THRB: variants seen among roughly 807,000 people sequenced by gnomAD.
THRB encodes the protein nuclear receptor subfamily 1 group A member 2.
Under a neutral mutation model 47.8 loss-of-function variants are expected in THRB, and 12 were observed. That is an observed-to-expected ratio of 0.25 (90% CI 0.16 to 0.41). The LOEUF (loss-of-function observed/expected upper bound fraction) is 0.41, where lower values mean the gene tolerates loss of function less well. Ranked by LOEUF, THRB falls within the 10% of genes least tolerant of loss-of-function variation. The probability of loss-of-function intolerance (pLI) is 1.00; values close to 1 mark genes in which losing one functional copy is unlikely to be tolerated. For synonymous variants in THRB, 218 were observed against 212.2 expected (o/e 1.03, Z -0.24); for missense variants, 348 against 589.2 (o/e 0.59, Z 4.24).
intron 2 of THRB, among the ~76,000 whole-genome samples, chr3:24,310,512 T>C (rs1014575093): frequency 6.6e-6 from 1 of 152,194 alleles, no homozygotes; most frequent in South Asian, 2.1e-4. Context: ...TCCTTAAACA[T>C]AGATTGCTGG....
At chr3:24,392,258 A>G (rs1269255192) in intron 1 of THRB, among the ~76,000 whole-genome samples, 1 of 151,982 alleles carries the variant, frequency 6.6e-6, no homozygotes, top group Non-Finnish European at 1.5e-5. Flanking sequence ...CTGTTTTTCT[A>G]TTGATGTTGA....
chr3:24,160,361 A>C (rs528272605), intron 5 of THRB, among the ~76,000 whole-genome samples: 35 of 152,318 alleles, frequency 2.3e-4, no homozygotes, highest in African/African-American at 7.7e-4. Flanking sequence ...GGTGGTGCAG[A>C]GGATGGGGAA....
chr3:24,221,754 G>A (rs763783411), intron 4 of THRB, among the ~76,000 whole-genome samples: 11 of 152,184 alleles, frequency 7.2e-5, no homozygotes, highest in Non-Finnish European at 1.6e-4. Flanking sequence ...GGAAACTGAA[G>A]TTGTTCTAGA....
intron 1 of THRB, among the ~76,000 whole-genome samples, chr3:24,372,785 G>A (rs1453892839): frequency 1.3e-5 from 2 of 152,074 alleles, no homozygotes; most frequent in Non-Finnish European, 2.9e-5. Context: ...TAGAGCTGGA[G>A]TCAAGACTGG....
chr3:24,356,463 G>C (rs2063678818), intron 1 of THRB, among the ~76,000 whole-genome samples: 1 of 152,158 alleles, frequency 6.6e-6, no homozygotes, highest in African/African-American at 2.4e-5. Context: ...GTCCAGGCCA[G>C]TCAAGTCTAA....
chr3:24,148,804 A>C (rs189584514), intron 6 of THRB, among the ~76,000 whole-genome samples: 78 of 152,356 alleles, frequency 5.1e-4, no homozygotes, highest in African/African-American at 1.4e-3. Context: ...AAGCAGAATA[A>C]AATAGAAAAA....
intron 1 of THRB, among the ~76,000 whole-genome samples, chr3:24,353,407 T>A (rs1049568362): frequency 1.3e-5 from 2 of 152,096 alleles, no homozygotes; most frequent in Non-Finnish European, 2.9e-5. Flanking sequence ...CTATAGACAT[T>A]TGACAAGGAA....
intron 2 of THRB, among the ~76,000 whole-genome samples, chr3:24,335,637 T>C (rs1392162123): frequency 1.3e-5 from 2 of 152,192 alleles, no homozygotes; most frequent in Admixed American, 6.5e-5. Context: ...GAAAATTCCC[T>C]CATGCCCCTT....
chr3:24,275,014 T>C (rs531573212), intron 3 of THRB, among the ~76,000 whole-genome samples: 8 of 152,296 alleles, frequency 5.3e-5, no homozygotes, highest in Admixed American at 2.0e-4. Context: ...TACTCATCGA[T>C]TGAAGAGAAA....
chr3:24,283,378 C>G (rs796640253), intron 3 of THRB, among the ~76,000 whole-genome samples: 1 of 151,962 alleles, frequency 6.6e-6, no homozygotes, highest in East Asian at 1.9e-4. Flanking sequence ...TGACAAAATT[C>G]AACAACACTT....
At chr3:24,435,713 T>C (rs2070875048) in intron 1 of THRB, among the ~76,000 whole-genome samples, 1 of 151,994 alleles carries the variant, frequency 6.6e-6, no homozygotes, top group African/African-American at 2.4e-5. Flanking sequence ...TAAAACCAAA[T>C]CAGTCCCCAA....
chr3:24,211,989 C>T (rs2046075712), intron 4 of THRB, among the ~76,000 whole-genome samples: 1 of 152,208 alleles, frequency 6.6e-6, no homozygotes, highest in Non-Finnish European at 1.5e-5. Context: ...TGAGGCTGGG[C>T]ACGGTGGTTC....
intron 1 of THRB, among the ~76,000 whole-genome samples, chr3:24,469,008 C>T (rs2074360879): frequency 1.3e-5 from 2 of 152,180 alleles, no homozygotes; most frequent in South Asian, 4.1e-4. Flanking sequence ...ATCTGAGGTC[C>T]AAACTCCAGT....
intron 1 of THRB, among the ~76,000 whole-genome samples, chr3:24,361,968 A>G (rs1276649747): frequency 6.6e-6 from 1 of 152,156 alleles, no homozygotes; most frequent in African/African-American, 2.4e-5. Context: ...GTCAGTATCA[A>G]TATCAAAATA....
intron 1 of THRB, among the ~76,000 whole-genome samples, chr3:24,446,217 C>T (rs550392621): frequency 1.4e-3 from 208 of 152,064 alleles, no homozygotes; most frequent in Non-Finnish European, 2.2e-3. Context: ...TTTTATGTTC[C>T]TCTAATTTTA....
intron 2 of THRB, among the ~76,000 whole-genome samples, chr3:24,299,777 A>G (rs2361016): frequency 9.6e-5 from 4 of 41,582 alleles, no homozygotes; most frequent in Non-Finnish European, 2.0e-4. Flanking sequence ...TTTTTTATTT[A>G]TTTATTTATT....
chr3:24,138,028 G>A (rs1053446202), intron 8 of THRB, among the ~76,000 whole-genome samples: 3 of 151,910 alleles, frequency 2.0e-5, no homozygotes, highest in Non-Finnish European at 4.4e-5. Flanking sequence ...GTTCAGGGGT[G>A]ACCTCAGCCC....
intron 1 of THRB, among the ~76,000 whole-genome samples, chr3:24,349,330 T>A (rs1163489948): frequency 1.3e-5 from 2 of 152,092 alleles, no homozygotes; most frequent in African/African-American, 2.4e-5. Flanking sequence ...GTCTTGGGTT[T>A]TTTTTTCTGG....
intron 1 of THRB, among the ~76,000 whole-genome samples, chr3:24,403,254 A>G (rs2067564720): frequency 6.6e-6 from 1 of 151,984 alleles, no homozygotes; most frequent in South Asian, 2.1e-4. Flanking sequence ...GGGAAGTACA[A>G]AATCATGTAC....
Sources: gnomAD v4.1 joint callset for allele counts (sites outside exome capture counted in the v4.1 genomes callset) on GRCh38, gnomAD v4.1.1 for gene constraint, MANE v1.5 for transcripts, NCBI Gene and HGNC (gene_info 2026-07-23, HGNC 2026-07-21) for gene names.